The following DGKB variants were observed in gnomAD, a reference collection of about 807,000 sequenced individuals.
DGKB encodes 90 kDa diacylglycerol kinase.
Under a neutral mutation model 114.3 loss-of-function variants are expected in DGKB, and 67 were observed. The observed-to-expected ratio is 0.59, with a 90% CI of 0.48 to 0.72. The LOEUF (loss-of-function observed/expected upper bound fraction) is 0.72, where lower values mean the gene tolerates loss of function less well. Ranked by LOEUF, DGKB falls within the 30% of genes least tolerant of loss-of-function variation. The probability of loss-of-function intolerance (pLI) is 0.00; values close to 1 mark genes in which losing one functional copy is unlikely to be tolerated. For synonymous variants in DGKB, 398 were observed against 323.1 expected (o/e 1.23, Z -2.49); for missense variants, 907 against 975.2 (o/e 0.93, Z 0.93).
rs537984089 is a variant in DGKB at position 14,421,513 on chromosome 7, C to A, written c.1835+56648G>T. The stretch of plus-strand genomic sequence containing the variant: ...TTTTTCTAATCAAAGTAGATAATAT[C>A]TATTCTAAAACAAGTTATTCAAATG... On this transcript the variant is annotated intron_variant, in intron 21 of 25. Coordinates refer to ENST00000402815, the MANE Select transcript of DGKB (RefSeq NM_001350709.2). Among the ~76,000 whole-genome samples, 13 of 152,124 alleles carry A rather than the reference C, an allele frequency of 8.5e-5. No homozygotes were observed. The South Asian group carries it at 2.7e-3, about 32-fold the overall frequency.
In DGKB at chr7:14,926,298, T is replaced by A. The variant is rs1784748161; in HGVS notation, c.-188+48398A>T. Reference sequence around the variant, plus strand: ...AACCACACCATTTGATTCATTTTCATATTGGCATCTGTTGACTTTCTTTTC... The same window carrying A: ...AACCACACCATTTGATTCATTTTCAAATTGGCATCTGTTGACTTTCTTTTC... On this transcript the variant is annotated intron_variant, in intron 1 of 4. Transcript: ENST00000437998. Among the ~76,000 whole-genome samples, 7 of 152,186 alleles carry A rather than the reference T, an allele frequency of 4.6e-5. No homozygotes were observed. The South Asian group carries it at 1.4e-3, about 32-fold the overall frequency.
At chr7:14,189,738 T>C (rs1210019370) in intron 23 of DGKB, among the ~76,000 whole-genome samples, 1 of 151,950 alleles carries the variant, frequency 6.6e-6, no homozygotes, top group Non-Finnish European at 1.5e-5. Context: ...AAAACAAAAA[T>C]TGAACAGAAT....
chr7:14,903,985 C>T (rs1187461037), upstream of DGKB, among the ~76,000 whole-genome samples: 1 of 152,180 alleles, frequency 6.6e-6, no homozygotes, highest in Non-Finnish European at 1.5e-5. Context: ...GTAAAACCAA[C>T]TTGATTCTGT....
chr7:14,900,084 A>C (rs558380682), intron 1 of DGKB, among the ~76,000 whole-genome samples: 1 of 152,168 alleles, frequency 6.6e-6, no homozygotes, highest in Non-Finnish European at 1.5e-5. Flanking sequence ...CAACTGCTGC[A>C]CTCAAAATAA....
At chr7:14,365,770 GT>G (rs916118389) in intron 21 of DGKB, among the ~76,000 whole-genome samples, 8 of 151,982 alleles carry the variant, frequency 5.3e-5, no homozygotes, top group African/African-American at 1.4e-4. Context: ...ATTTTCATTT[GT>G]TTTCTGTAAA....
intron 13 of DGKB, among the ~76,000 whole-genome samples, chr7:14,649,606 G>A (rs911465979): frequency 6.6e-6 from 1 of 151,548 alleles, no homozygotes; most frequent in African/African-American, 2.4e-5. Flanking sequence ...AAAATCACCA[G>A]CTAACATCAT....
At chr7:14,572,681 G>A (rs899080170) in intron 20 of DGKB, among the ~76,000 whole-genome samples, 1 of 151,998 alleles carries the variant, frequency 6.6e-6, no homozygotes, top group Non-Finnish European at 1.5e-5. Context: ...ATTGGTGAAG[G>A]GATAACCAAT....
chr7:14,237,287 T>G (rs1792949606), intron 23 of DGKB, among the ~76,000 whole-genome samples: 1 of 151,982 alleles, frequency 6.6e-6, no homozygotes, highest in African/African-American at 2.4e-5. Context: ...CTATAAATGG[T>G]ATGCTCAATG....
At chr7:14,829,586 T>A (rs1846139210) in intron 2 of DGKB, among the ~76,000 whole-genome samples, 1 of 152,114 alleles carries the variant, frequency 6.6e-6, no homozygotes, top group Non-Finnish European at 1.5e-5. Context: ...GTGAACACTT[T>A]AGGAATGTCT....
chr7:14,311,226 A>T (rs951643058), intron 23 of DGKB, among the ~76,000 whole-genome samples: 8 of 152,176 alleles, frequency 5.3e-5, no homozygotes, highest in African/African-American at 1.9e-4. Flanking sequence ...GGAGCCAGAT[A>T]GTAAGTAGAG....
intron 5 of DGKB, among the ~76,000 whole-genome samples, chr7:14,723,025 A>AT (rs369470052): frequency 0.025 from 3,801 of 149,362 alleles, 157 homozygotes; most frequent in African/African-American, 0.088. Flanking sequence ...TTATTTATTC[A>AT]TTTTTTTTTC....
intron 25 of DGKB, chr7:14,176,535 T>C (rs1257472789): frequency 2.8e-6 from 3 of 1,054,302 alleles, no homozygotes; most frequent in East Asian, 1.2e-4. Context: ...TCAGATAAAC[T>C]TTTATTAATA....
chr7:14,936,783 T>G (rs1785293280), intron 1 of DGKB, among the ~76,000 whole-genome samples: 1 of 152,060 alleles, frequency 6.6e-6, no homozygotes, highest in African/African-American at 2.4e-5. Context: ...GCTTCCAAGT[T>G]TCCAGGCCAA....
intron 23 of DGKB, among the ~76,000 whole-genome samples, chr7:14,292,556 A>ATTT (rs2128474246): frequency 1.3e-5 from 2 of 152,296 alleles, no homozygotes; most frequent in South Asian, 4.1e-4. Flanking sequence ...TAGGAAACTA[A>ATTT]TTTTTATAGA....
At chr7:14,577,812 T>C (rs1002153015) in intron 19 of DGKB, among the ~76,000 whole-genome samples, 1 of 152,162 alleles carries the variant, frequency 6.6e-6, no homozygotes, top group Non-Finnish European at 1.5e-5. Flanking sequence ...TATATTCCTA[T>C]AAAAAAGAGG....
intron 23 of DGKB, among the ~76,000 whole-genome samples, chr7:14,299,362 A>T (rs561892789): frequency 4.5e-4 from 69 of 152,278 alleles, no homozygotes; most frequent in African/African-American, 1.6e-3. Context: ...TTCTGTAACA[A>T]GAATCCCTTC....
intron 23 of DGKB, among the ~76,000 whole-genome samples, chr7:14,211,380 GATT>G (rs1178175191): frequency 1.0e-5 from 1 of 99,018 alleles, no homozygotes; most frequent in Admixed American, 1.1e-4. Flanking sequence ...CGTGTTTTGT[GATT>G]TTACTCTCAT....
intron 5 of DGKB, among the ~76,000 whole-genome samples, chr7:14,735,314 A>G: frequency 6.6e-6 from 1 of 152,130 alleles, no homozygotes; most frequent in Non-Finnish European, 1.5e-5. Context: ...CCTAGCTCCA[A>G]GGAATCCTTT....
At chr7:14,373,888 C>T (rs2128660756) in intron 21 of DGKB, among the ~76,000 whole-genome samples, 1 of 152,100 alleles carries the variant, frequency 6.6e-6, no homozygotes, top group South Asian at 2.1e-4. Context: ...TTCTCCCTAT[C>T]CTTTACACCC....
Sources: gnomAD v4.1 joint callset for allele counts (sites outside exome capture counted in the v4.1 genomes callset) on GRCh38, gnomAD v4.1.1 for gene constraint, MANE v1.5 for transcripts, NCBI Gene and HGNC (gene_info 2026-07-23, HGNC 2026-07-21) for gene names.